The following ZFAND4 variants were observed in gnomAD, a reference collection of about 807,000 sequenced individuals.
ZFAND4 encodes zinc finger AN1-type containing 4.
In ZFAND4, 43 loss-of-function variants were observed where a neutral mutation model predicts 64.4. The ratio of observed to expected loss-of-function variants is 0.67; its 90% CI spans 0.52 to 0.86. The LOEUF (loss-of-function observed/expected upper bound fraction) is 0.86. ZFAND4 is among the 40% of genes least tolerant of loss of function. The pLI is 0.00. For synonymous variants in ZFAND4, 296 were observed against 305.7 expected, an observed-to-expected ratio of 0.97 and a Z score of 0.33; for missense variants, 929 against 859.8, an observed-to-expected ratio of 1.08 and a Z score of -1.01.
chr10:45,631,319 A>C (rs76721209), intron 6 of ZFAND4, among the ~76,000 whole-genome samples: 4,576 of 89,856 alleles, frequency 0.051, 88 homozygotes, highest in Non-Finnish European at 0.066. Context: ...TCCGCCCCCC[A>C]AAAAAAAAAA....
At chr10:45,636,835 T>C (rs1188990580) in intron 6 of ZFAND4, among the ~76,000 whole-genome samples, 2 of 152,156 alleles carry the variant, frequency 1.3e-5, no homozygotes, top group South Asian at 2.1e-4. Context: ...ATCTGTTCCA[T>C]CGATTTTTGA....
rs2047786692 is a variant in ZFAND4 at position 45,651,960 on chromosome 10, G to A, written c.328+6C>T. ...TCAAATTGCTTTAATATATATATATGCCTACCTCTTCTAGTATTTATAGGT... is the reference window on the plus strand; with the variant it reads ...TCAAATTGCTTTAATATATATATATACCTACCTCTTCTAGTATTTATAGGT... On this transcript the variant is annotated splice_donor_region_variant and intron_variant, in intron 4 of 9. Transcript: ENST00000344646. 8.1e-6 allele frequency: 13 copies of A among 1,610,668 alleles called. No individual in the cohort carries two copies. The highest frequency in any genetic ancestry group is 1.3e-5 in the African/African-American group (1 of 74,786).
intron 1 of ZFAND4, among the ~76,000 whole-genome samples, chr10:45,670,027 C>T (rs1328611297): frequency 1.3e-5 from 2 of 152,024 alleles, no homozygotes; most frequent in Non-Finnish European, 2.9e-5. Context: ...GAAGTTCTGG[C>T]CAGAGCAATC....
chr10:45,668,590 G>A (rs1388736598), intron 1 of ZFAND4, among the ~76,000 whole-genome samples: 1 of 152,102 alleles, frequency 6.6e-6, no homozygotes, highest in Non-Finnish European at 1.5e-5. Context: ...TTTAATGTCT[G>A]GCAAATTCTT....
At chr10:45,618,380 TTGTGC>T in intron 8 of ZFAND4, 120 bp from the exon 9 acceptor site, 1 of 1,250,204 alleles carries the variant, frequency 8.0e-7, no homozygotes, top group Non-Finnish European at 1.1e-6. Flanking sequence ...AAAAATTAAT[TTGTGC>T]TATTTTTATA....
At chr10:45,653,364 A>T (rs1007158488) in intron 2 of ZFAND4, among the ~76,000 whole-genome samples, 2 of 152,212 alleles carry the variant, frequency 1.3e-5, no homozygotes, top group Non-Finnish European at 2.9e-5. Flanking sequence ...AGCAAAAGAA[A>T]CTATCAACAG....
At chr10:45,622,125 T>A (rs2045474339) in intron 8 of ZFAND4, among the ~76,000 whole-genome samples, 1 of 152,004 alleles carries the variant, frequency 6.6e-6, no homozygotes, top group African/African-American at 2.4e-5. Context: ...ATTACAGTAA[T>A]AAAAACGATG....
At chr10:45,667,458 C>CCTTTT (rs1564639790) in intron 1 of ZFAND4, among the ~76,000 whole-genome samples, 2 of 90,664 alleles carry the variant, frequency 2.2e-5, no homozygotes. Flanking sequence ...TCTTTTCTTT[C>CCTTTT]TTTTTTTTTT....
At chr10:45,616,776 T>G (rs1009110833) in intron 9 of ZFAND4, among the ~76,000 whole-genome samples, 2 of 152,116 alleles carry the variant, frequency 1.3e-5, no homozygotes, top group Non-Finnish European at 2.9e-5. Context: ...ATATGACAAT[T>G]TATGATAAAG....
chr10:45,648,365 C>T lies in ZFAND4; in HGVS notation c.498G>A (p.Pro166=), dbSNP rs779825845. The change falls in exon 5 of 10, where the codon CCG becomes CCA. Residue 166 remains proline, a synonymous_variant. Transcript: ENST00000344646. ...CTATTTTCTTTGAAGAGTCAGATAA[C>T]GGTGTTAAAGTGCCATCTCCCCTAT... ...AVDRGDGTLT[P]LSDSSKKIDF... is the part of the protein sequence containing the mutation. 1.5e-5 allele frequency: 24 copies of T among 1,613,620 alleles called. No individual in the cohort carries two copies. Among genetic ancestry groups the T allele is most frequent in the Middle Eastern group, 1.6e-4 (1 of 6,084 alleles).
At chr10:45,656,155 C>A (rs376905523) in intron 2 of ZFAND4, among the ~76,000 whole-genome samples, 1 of 152,036 alleles carries the variant, frequency 6.6e-6, no homozygotes, top group Non-Finnish European at 1.5e-5. Context: ...GGCTTGAACC[C>A]GGGAGGCGGA....
chr10:45,624,640 A>G lies in ZFAND4; in HGVS notation c.1873-3T>C, dbSNP rs751803091. ...TTCATTCCAACACCATGGGTAGACT[A>G]CAATTAAAACACAAAACATCTATAG... is the stretch of plus-strand genomic sequence containing the variant. On this transcript the variant is annotated splice_region_variant and splice_polypyrimidine_tract_variant and intron_variant, in intron 7 of 9. Transcript: ENST00000344646. The G allele has an allele frequency of 6.2e-7, 1 of 1,613,156 alleles. No homozygotes were observed. Among genetic ancestry groups the G allele is most frequent in the South Asian group, 1.1e-5 (1 of 90,994 alleles).
In ZFAND4 at chr10:45,629,716, AG is replaced by A. The variant is rs1222542922; in HGVS notation, c.718-2612del. The stretch of plus-strand genomic sequence containing the variant: ...TCTCTATCAATAATACAAAAAAATT[AG>A]CTGGGCATGGTGGCAGGAGCCCGTA... On this transcript the variant is annotated intron_variant, in intron 6 of 9. Coordinates refer to ENST00000344646, the MANE Select transcript of ZFAND4 (RefSeq NM_174890.4). Among the ~76,000 whole-genome samples, 8 of 152,086 alleles carry A rather than the reference AG, an allele frequency of 5.3e-5. No individual in the cohort carries two copies. In the South Asian group the frequency reaches 6.2e-4, roughly 12 times the overall value.
intron 5 of ZFAND4, among the ~76,000 whole-genome samples, chr10:45,641,969 G>A (rs1307702420): frequency 2.0e-5 from 3 of 152,124 alleles, no homozygotes; most frequent in Non-Finnish European, 2.9e-5. Flanking sequence ...CCAAATGACA[G>A]GACTTACTGC....
chr10:45,630,375 G>A (rs970524451), intron 6 of ZFAND4, among the ~76,000 whole-genome samples: 11 of 152,104 alleles, frequency 7.2e-5, no homozygotes, highest in African/African-American at 2.7e-4. Context: ...CAGAAATGAA[G>A]ACTAAATTAC....
chr10:45,665,630 T>G (rs993819420), intron 1 of ZFAND4, among the ~76,000 whole-genome samples: 1 of 152,204 alleles, frequency 6.6e-6, no homozygotes, highest in Non-Finnish European at 1.5e-5. Context: ...GTTTTTATGA[T>G]GTACACAGAG....
chr10:45,639,947 T>C lies in ZFAND4; in HGVS notation c.586A>G (p.Asn196Asp). 6.2e-7 allele frequency: 1 copy of C among 1,610,222 alleles called. No homozygotes were observed. Among genetic ancestry groups the C allele is most frequent in the Non-Finnish European group, 8.5e-7 (1 of 1,179,262 alleles). ...EHRMSGGSMY[N>D]SDTDEDEETE... ...TCTTCATCCTCATCTGTATCTGAAT[T>C]ATACATAGAACCACCACTGCAAAGA... Residue 196 changes from asparagine to aspartate, a missense_variant, in exon 6 of 10, where the codon AAT becomes GAT. Asn to Asp is a conservative substitution (Grantham distance 23, BLOSUM62 1). Coordinates refer to ENST00000344646, the MANE Select transcript of ZFAND4 (RefSeq NM_174890.4).
chr10:45,646,795 C>T (rs2047414266), intron 5 of ZFAND4, among the ~76,000 whole-genome samples: 1 of 152,118 alleles, frequency 6.6e-6, no homozygotes, highest in South Asian at 2.1e-4. Context: ...CAGCACACGG[C>T]AAAACTGGTA....
intron 2 of ZFAND4, among the ~76,000 whole-genome samples, chr10:45,656,739 G>A (rs1360305707): frequency 6.6e-6 from 1 of 152,056 alleles, no homozygotes; most frequent in Non-Finnish European, 1.5e-5. Flanking sequence ...TGGTATCAGA[G>A]GTAAGGATGG....
Sources: gnomAD v4.1 joint callset for allele counts (sites outside exome capture counted in the v4.1 genomes callset) on GRCh38, gnomAD v4.1.1 for gene constraint, MANE v1.5 for transcripts, NCBI Gene and HGNC (gene_info 2026-07-23, HGNC 2026-07-21) for gene names.